The following RNLS variants were observed in gnomAD, a reference collection of about 807,000 sequenced individuals.
The protein encoded by RNLS is renalase.
A neutral mutation model predicts 39.8 loss-of-function variants in RNLS; 39 were observed. The observed-to-expected ratio is 0.98, with a 90% CI of 0.76 to 1.28. RNLS has a LOEUF of 1.28. RNLS is among the 50% of genes most tolerant of loss of function. The pLI, the probability that RNLS is intolerant of heterozygous loss-of-function variation, is 0.00. For missense variants in RNLS, 410 were observed against 413.3 expected (o/e 0.99, Z 0.07); for synonymous variants, 147 against 150.7 (o/e 0.98, Z 0.18).
chr10:88,395,481 C>T (rs1408003632), intron 4 of RNLS, among the ~76,000 whole-genome samples: 1 of 151,758 alleles, frequency 6.6e-6, no homozygotes, highest in Non-Finnish European at 1.5e-5. Flanking sequence ...ACTAGAGGGG[C>T]TCGATAGAAG....
At chr10:88,311,724 C>A (rs780165767) in intron 6 of RNLS, among the ~76,000 whole-genome samples, 1 of 152,118 alleles carries the variant, frequency 6.6e-6, no homozygotes, top group Non-Finnish European at 1.5e-5. Context: ...AGAGTACTAG[C>A]CATATTGTAG....
At chr10:88,179,446 G>T in the RNLS span, among the ~76,000 whole-genome samples, 1 of 152,064 alleles carries the variant, frequency 6.6e-6, no homozygotes, top group Non-Finnish European at 1.5e-5. Context: ...TCTCATCATG[G>T]ATAATACTGT....
intron 4 of RNLS, among the ~76,000 whole-genome samples, chr10:88,501,211 AC>A (rs1461424302): frequency 6.6e-6 from 1 of 152,126 alleles, no homozygotes; most frequent in Admixed American, 6.6e-5. Flanking sequence ...TGATTTGATC[AC>A]CTGGGGATAT....
At chr10:88,197,655 T>G in the RNLS span, among the ~76,000 whole-genome samples, 2 of 152,232 alleles carry the variant, frequency 1.3e-5, no homozygotes, top group Non-Finnish European at 2.9e-5. Context: ...GTTAAAACCC[T>G]AACCCCCAAT....
At chr10:88,376,490 T>C (rs572556355) in intron 4 of RNLS, among the ~76,000 whole-genome samples, 1 of 152,328 alleles carries the variant, frequency 6.6e-6, no homozygotes, top group African/African-American at 2.4e-5. Context: ...ACTTGGTGTT[T>C]GTATTGCATT....
chr10:88,393,850 C>G (rs1355718815), intron 4 of RNLS, among the ~76,000 whole-genome samples: 6 of 152,018 alleles, frequency 3.9e-5, no homozygotes, highest in Admixed American at 2.0e-4. Flanking sequence ...CAGAGATATA[C>G]ACCAATGGAA....
chr10:88,503,210 G>C (rs1352002596), intron 4 of RNLS, among the ~76,000 whole-genome samples: 2 of 152,048 alleles, frequency 1.3e-5, no homozygotes, highest in Non-Finnish European at 2.9e-5. Context: ...GTGAAACCCT[G>C]TATCTACTAA....
At chr10:88,384,285 T>G (rs1184420394) in intron 4 of RNLS, among the ~76,000 whole-genome samples, 1 of 152,226 alleles carries the variant, frequency 6.6e-6, no homozygotes, top group Non-Finnish European at 1.5e-5. Flanking sequence ...GCTTACTATG[T>G]GCAAAGCTGT....
At chr10:88,517,216 T>C (rs1846453114) in intron 4 of RNLS, among the ~76,000 whole-genome samples, 1 of 151,948 alleles carries the variant, frequency 6.6e-6, no homozygotes, top group South Asian at 2.1e-4. Context: ...TGTGCATAAA[T>C]CTATTGCCCT....
the RNLS span, among the ~76,000 whole-genome samples, chr10:88,235,772 C>CAT: frequency 1.5e-4 from 22 of 150,902 alleles, no homozygotes; most frequent in African/African-American, 3.4e-4. Flanking sequence ...CTTTATTTTT[C>CAT]ATATATATAT....
At chr10:88,427,336 G>A (rs977668626) in intron 4 of RNLS, among the ~76,000 whole-genome samples, 6 of 152,104 alleles carry the variant, frequency 3.9e-5, no homozygotes, top group Admixed American at 3.3e-4. Context: ...CTTTGACAGG[G>A]TGGCTGGCTC....
chr10:88,488,546 C>CAAAAAAAA (rs3033822), intron 4 of RNLS, among the ~76,000 whole-genome samples: 1 of 79,038 alleles, frequency 1.3e-5, no homozygotes, highest in Non-Finnish European at 2.3e-5. Context: ...AACTCCGTCT[C>CAAAAAAAA]AAAAAAAAAA....
chr10:88,422,554 T>A lies in RNLS; in HGVS notation c.527-59829A>T, dbSNP rs573402449. Among the ~76,000 whole-genome samples, 5 of 152,330 alleles carry A rather than the reference T, an allele frequency of 3.3e-5. No individual in the cohort carries two copies. The South Asian group carries it at 1.0e-3, about 32-fold the overall frequency. On this transcript the variant is annotated intron_variant, in intron 4 of 6. Transcript: ENST00000331772. ...TTGAGGTTTAACAAATTGAGTTTCA[T>A]TAGGGTCTTCTGTTTACTAATTGTG...
intron 4 of RNLS, among the ~76,000 whole-genome samples, chr10:88,386,389 G>A (rs543320995): frequency 1.3e-5 from 2 of 152,180 alleles, no homozygotes; most frequent in South Asian, 4.1e-4. Flanking sequence ...TGAAGGCAGT[G>A]ACCCATTTGT....
chr10:88,539,092 A>G (rs1847917024), intron 4 of RNLS, among the ~76,000 whole-genome samples: 1 of 152,182 alleles, frequency 6.6e-6, no homozygotes, highest in Admixed American at 6.6e-5. Flanking sequence ...ACTAAGGAAG[A>G]TGGACAATGG....
At chr10:88,473,633 T>TA (rs1239809360) in intron 4 of RNLS, among the ~76,000 whole-genome samples, 1 of 152,210 alleles carries the variant, frequency 6.6e-6, no homozygotes, top group Non-Finnish European at 1.5e-5. Context: ...ACCATGCATT[T>TA]ATTTTAGAAA....
At chr10:88,249,789 T>A in the RNLS span, among the ~76,000 whole-genome samples, 1 of 152,222 alleles carries the variant, frequency 6.6e-6, no homozygotes, top group Non-Finnish European at 1.5e-5. Flanking sequence ...AAGCTCTCTT[T>A]TATGTACTAG....
intron 4 of RNLS, among the ~76,000 whole-genome samples, chr10:88,396,507 A>C (rs535196972): frequency 6.6e-6 from 1 of 151,478 alleles, no homozygotes; most frequent in South Asian, 2.1e-4. Flanking sequence ...AAATGACAAG[A>C]AAATTAAAAT....
intron 4 of RNLS, among the ~76,000 whole-genome samples, chr10:88,481,520 A>G (rs1284624649): frequency 6.6e-6 from 1 of 152,186 alleles, no homozygotes; most frequent in Non-Finnish European, 1.5e-5. Flanking sequence ...ATCCTGACTT[A>G]TCACAATCAA....
Sources: allele counts gnomAD v4.1 joint callset (sites outside exome capture counted in the v4.1 genomes callset), GRCh38; gene constraint gnomAD v4.1.1; transcripts MANE v1.5; gene names NCBI Gene and HGNC (gene_info 2026-07-23, HGNC 2026-07-21).